CAMK1D: variants seen among roughly 807,000 people sequenced by gnomAD.
CAMK1D encodes calcium/calmodulin-dependent protein kinase type 1D.
In CAMK1D, 9 loss-of-function variants were observed where a neutral mutation model predicts 47.7. The ratio of observed to expected loss-of-function variants is 0.19; its 90% CI spans 0.11 to 0.33. The LOEUF is 0.33. CAMK1D is among the 10% of genes least tolerant of loss of function. The pLI is 1.00. For missense variants in CAMK1D, 291 were observed against 488.7 expected (o/e 0.60, Z 3.81); for synonymous variants, 184 against 184.9 (o/e 0.99, Z 0.04).
intron 2 of CAMK1D, among the ~76,000 whole-genome samples, chr10:12,595,672 G>A (rs1838128484): frequency 6.6e-6 from 1 of 152,142 alleles, no homozygotes; most frequent in African/African-American, 2.4e-5. Context: ...CATGTTTCCA[G>A]GGTGAGTGTT....
chr10:12,516,332 C>A (rs1444831395), intron 1 of CAMK1D, among the ~76,000 whole-genome samples: 2 of 152,090 alleles, frequency 1.3e-5, no homozygotes, highest in Admixed American at 1.3e-4. Context: ...TGGTCTTGAA[C>A]CCCTGACCTC....
intron 1 of CAMK1D, among the ~76,000 whole-genome samples, chr10:12,420,725 C>G (rs1031951557): frequency 6.6e-6 from 1 of 152,134 alleles, no homozygotes; most frequent in Non-Finnish European, 1.5e-5. Context: ...GCCATGAAGA[C>G]CAGTGCCAAG....
intron 1 of CAMK1D, among the ~76,000 whole-genome samples, chr10:12,351,862 G>T (rs965713028): frequency 1.3e-5 from 2 of 152,188 alleles, no homozygotes; most frequent in Admixed American, 1.3e-4. Context: ...TTCTGCCTGG[G>T]ATGGAATTCT....
At chr10:12,442,476 G>C (rs1832811588) in intron 1 of CAMK1D, among the ~76,000 whole-genome samples, 1 of 152,188 alleles carries the variant, frequency 6.6e-6, no homozygotes, top group Admixed American at 6.5e-5. Context: ...GAGAGGCTGT[G>C]TCTCAAAAAC....
intron 1 of CAMK1D, among the ~76,000 whole-genome samples, chr10:12,538,629 A>T (rs1836057934): frequency 6.6e-6 from 1 of 152,176 alleles, no homozygotes; most frequent in Non-Finnish European, 1.5e-5. Flanking sequence ...TGCCAGTTCC[A>T]GGAAGGGCCC....
intron 1 of CAMK1D, among the ~76,000 whole-genome samples, chr10:12,468,746 T>C (rs988113613): frequency 6.6e-6 from 1 of 152,122 alleles, no homozygotes; most frequent in Admixed American, 6.5e-5. Flanking sequence ...TGTCAGGGGC[T>C]CTTAAGTCTG....
intron 6 of CAMK1D, among the ~76,000 whole-genome samples, chr10:12,810,388 C>T (rs1832554769): frequency 6.6e-6 from 1 of 151,354 alleles, no homozygotes; most frequent in South Asian, 2.1e-4. Flanking sequence ...AATTCTCCTG[C>T]CTAAGCCTCC....
At chr10:12,621,498 T>C (rs1487170167) in intron 2 of CAMK1D, among the ~76,000 whole-genome samples, 1 of 152,252 alleles carries the variant, frequency 6.6e-6, no homozygotes, top group Non-Finnish European at 1.5e-5. Flanking sequence ...CTTAGATTTA[T>C]ACCTAAGCAT....
chr10:12,357,586 G>A (rs1008796442), intron 1 of CAMK1D, among the ~76,000 whole-genome samples: 1 of 152,148 alleles, frequency 6.6e-6, no homozygotes, highest in Non-Finnish European at 1.5e-5. Flanking sequence ...AAAGTGGTGG[G>A]ATTACAGGCA....
intron 2 of CAMK1D, among the ~76,000 whole-genome samples, chr10:12,638,798 G>A: frequency 6.6e-6 from 1 of 152,172 alleles, no homozygotes; most frequent in East Asian, 1.9e-4. Flanking sequence ...ATCTATAAAT[G>A]TGGAAGAACA....
chr10:12,731,912 A>T (rs182804526), intron 3 of CAMK1D, among the ~76,000 whole-genome samples: 12 of 152,150 alleles, frequency 7.9e-5, no homozygotes, highest in Non-Finnish European at 1.5e-4. Context: ...CGAATGGACG[A>T]TGGGGTAGGG....
intron 1 of CAMK1D, among the ~76,000 whole-genome samples, chr10:12,351,589 G>A (rs1210607939): frequency 1.3e-5 from 2 of 152,210 alleles, no homozygotes; most frequent in Non-Finnish European, 2.9e-5. Context: ...CCTGCCTGTA[G>A]CCTCCGGGTG....
chr10:12,644,061 C>T (rs1486939256), intron 2 of CAMK1D, among the ~76,000 whole-genome samples: 1 of 152,044 alleles, frequency 6.6e-6, no homozygotes, highest in East Asian at 1.9e-4. Context: ...ATAAAGTGCA[C>T]GATAAATGTA....
intron 1 of CAMK1D, among the ~76,000 whole-genome samples, chr10:12,535,854 A>C (rs188939357): frequency 6.6e-6 from 1 of 152,266 alleles, no homozygotes; most frequent in African/African-American, 2.4e-5. Flanking sequence ...CTTCTCATTG[A>C]ATCTTTTCAT....
intron 1 of CAMK1D, among the ~76,000 whole-genome samples, chr10:12,509,601 AG>A (rs1179212964): frequency 6.6e-6 from 1 of 152,108 alleles, no homozygotes; most frequent in African/African-American, 2.4e-5. Flanking sequence ...AAACAAAATG[AG>A]TATCCAGGTG....
At chr10:12,439,542 G>A (rs1439565034) in intron 1 of CAMK1D, among the ~76,000 whole-genome samples, 1 of 152,180 alleles carries the variant, frequency 6.6e-6, no homozygotes, top group East Asian at 1.9e-4. Flanking sequence ...CCTGCTGTAG[G>A]TAGTGTTGTC....
intron 6 of CAMK1D, among the ~76,000 whole-genome samples, chr10:12,802,769 C>T (rs755287734): frequency 3.3e-5 from 5 of 152,224 alleles, no homozygotes; most frequent in South Asian, 2.1e-4. Context: ...ATCCGTCCAC[C>T]GTGGCCTCCC....
At chr10:12,794,955 G>T (rs73576049) in intron 6 of CAMK1D, among the ~76,000 whole-genome samples, 3,199 of 152,238 alleles carry the variant, frequency 0.021, 42 homozygotes, top group African/African-American at 0.041. Context: ...CTGTTGAGAG[G>T]CATCGAGTCT....
At chr10:12,528,782 C>A (rs1835710003) in intron 1 of CAMK1D, among the ~76,000 whole-genome samples, 1 of 145,694 alleles carries the variant, frequency 6.9e-6, no homozygotes, top group Non-Finnish European at 1.5e-5. Context: ...CTTTCTGTCA[C>A]CCCGGCTGGA....
Sources: allele counts gnomAD v4.1 joint callset (sites outside exome capture counted in the v4.1 genomes callset), GRCh38; gene constraint gnomAD v4.1.1; transcripts MANE v1.5; gene names NCBI Gene and HGNC (gene_info 2026-07-23, HGNC 2026-07-21).